Variants in ZFHX3 observed in about 807,000 individuals in gnomAD.
ZFHX3 encodes zinc finger homeobox protein 3.
ZFHX3 carries 42 observed loss-of-function variants against 279.1 expected under a neutral mutation model. The ratio of observed to expected loss-of-function variants is 0.15; its 90% CI spans 0.12 to 0.19. The LOEUF (loss-of-function observed/expected upper bound fraction) is 0.19. ZFHX3 is among the 10% of genes least tolerant of loss of function. The pLI, the probability that ZFHX3 is intolerant of heterozygous loss-of-function variation, is 1.00. For missense variants in ZFHX3, 4,981 were observed against 4,754.0 expected (o/e 1.05, Z -1.40); for synonymous variants, 2,293 against 1,957.8 (o/e 1.17, Z -4.52).
chr16:72,879,510 C>T (rs574862971), intron 4 of ZFHX3, among the ~76,000 whole-genome samples: 1 of 152,218 alleles, frequency 6.6e-6, no homozygotes, highest in Non-Finnish European at 1.5e-5. Context: ...ATTGCAACCT[C>T]TGCCTCCCAG....
chr16:73,701,815 A>G (rs1370915291), intron 1 of ZFHX3, among the ~76,000 whole-genome samples: 2 of 152,146 alleles, frequency 1.3e-5, no homozygotes, highest in Non-Finnish European at 2.9e-5. Flanking sequence ...TATAAGAGGT[A>G]ATTATTATTC....
intron 1 of ZFHX3, among the ~76,000 whole-genome samples, chr16:73,839,202 C>CA (rs1397132473): frequency 6.6e-6 from 1 of 151,070 alleles, no homozygotes. Context: ...ACTAAAAATG[C>CA]AAAAACAAAA....
At chr16:73,652,270 A>G (rs534334037) in intron 2 of ZFHX3, among the ~76,000 whole-genome samples, 1 of 152,314 alleles carries the variant, frequency 6.6e-6, no homozygotes, top group East Asian at 1.9e-4. Context: ...CAAGGAGAGA[A>G]CACTTTGGCT....
chr16:73,127,204 G>A (rs1406890992), intron 7 of ZFHX3: 3 of 542,622 alleles, frequency 5.5e-6, no homozygotes, highest in Non-Finnish European at 8.6e-6. Flanking sequence ...GCAAACCAGA[G>A]CAGTCGTGCG....
intron 4 of ZFHX3, among the ~76,000 whole-genome samples, chr16:72,876,558 C>G (rs1026971474): frequency 2.6e-5 from 4 of 151,844 alleles, no homozygotes; most frequent in African/African-American, 7.3e-5. Flanking sequence ...TTTATATTAC[C>G]TCCTCTTCTC....
chr16:72,861,497 T>C (rs1344933316), intron 4 of ZFHX3, among the ~76,000 whole-genome samples: 1 of 152,092 alleles, frequency 6.6e-6, no homozygotes, highest in Non-Finnish European at 1.5e-5. Flanking sequence ...ATTACACCAG[T>C]GAATCCTGAT....
Position 72,936,480 on chromosome 16 carries a change from T to G in ZFHX3, c.3216+13989A>C, listed in dbSNP as rs376863096. ...ATCTTGAGTGAAGTGATGGTGTAGC[T>G]CCTTGAGACTGGGTTGTCAGGGAAA... On this transcript the variant is annotated intron_variant, in intron 3 of 9. Transcript: ENST00000268489. Among the ~76,000 whole-genome samples the G allele has an allele frequency of 4.0e-4, 61 of 152,314 alleles. 2 individuals carry two copies. In the South Asian group the frequency reaches 0.012, roughly 31 times the overall value.
intron 3 of ZFHX3, among the ~76,000 whole-genome samples, chr16:73,365,580 G>A (rs959815080): frequency 1.2e-4 from 19 of 152,136 alleles, no homozygotes; most frequent in African/African-American, 4.6e-4. Context: ...GCTGAGACTT[G>A]GCTTGATGTC....
intron 2 of ZFHX3, among the ~76,000 whole-genome samples, chr16:73,600,003 G>A (rs2052094590): frequency 6.6e-6 from 1 of 152,208 alleles, no homozygotes; most frequent in African/African-American, 2.4e-5. Context: ...CACTTTTGGG[G>A]TAAGTTTGGG....
At chr16:73,308,734 T>C (rs1231075667) in intron 4 of ZFHX3, among the ~76,000 whole-genome samples, 1 of 152,096 alleles carries the variant, frequency 6.6e-6, no homozygotes, top group Non-Finnish European at 1.5e-5. Context: ...TTCAGAACCA[T>C]TTTTGAGAAG....
At position 73,788,183 on chromosome 16, in the gene ZFHX3, T is replaced by G. The variant is rs114161483; in HGVS notation, c.-1608+103468A>C. Among the ~76,000 whole-genome samples the G allele has an allele frequency of 1.6e-3, 238 of 152,292 alleles. 2 individuals are homozygous for G. The highest frequency in any genetic ancestry group is 5.2e-3 in the African/African-American group (217 of 41,548). On this transcript the variant is annotated intron_variant, in intron 1 of 17. Coordinates refer to the ZFHX3 transcript ENST00000641206. ...TTCAGTAGAGAAAGACAACCAATTC[T>G]GAGCCAGGTAGGGAAGAACCAGAGT...
intron 6 of ZFHX3, among the ~76,000 whole-genome samples, chr16:73,139,830 G>C (rs1001572462): frequency 6.6e-6 from 1 of 152,212 alleles, no homozygotes; most frequent in Non-Finnish European, 1.5e-5. Flanking sequence ...GAGGTAGGTA[G>C]GGAATATGAA....
intron 3 of ZFHX3, among the ~76,000 whole-genome samples, chr16:72,936,699 G>T (rs1328480530): frequency 6.6e-6 from 1 of 152,166 alleles, no homozygotes. Flanking sequence ...CAGCATGGTG[G>T]GAGGAGTTCA....
chr16:73,481,648 TTTTGTTTG>T (rs150415013), intron 2 of ZFHX3, among the ~76,000 whole-genome samples: 7 of 146,086 alleles, frequency 4.8e-5, no homozygotes, highest in Middle Eastern at 3.4e-3. Context: ...GTTTGTTTGT[TTTTGTTTG>T]TTTGTTTGTT....
chr16:73,818,280 T>C (rs1425543949), intron 1 of ZFHX3, among the ~76,000 whole-genome samples: 2 of 152,134 alleles, frequency 1.3e-5, no homozygotes, highest in Non-Finnish European at 2.9e-5. Context: ...TTAATATCTC[T>C]TGTAAGGGGG....
chr16:73,352,152 C>T lies in ZFHX3; in HGVS notation c.-1290-33816G>A, dbSNP rs965774838. 2.6e-5 allele frequency among the ~76,000 whole-genome samples: 4 copies of T among 152,268 alleles called. 1 individual carries two copies. Among genetic ancestry groups the T allele is most frequent in the African/African-American group, 9.6e-5 (4 of 41,534 alleles). Reference sequence around the variant, plus strand: ...CGCCATACTGGTACTATCTTTTATACACAGCCTTTTAGCTCATGCCTCTCA... The same window carrying T: ...CGCCATACTGGTACTATCTTTTATATACAGCCTTTTAGCTCATGCCTCTCA... On this transcript the variant is annotated intron_variant, in intron 3 of 17. Transcript: ENST00000641206.
At chr16:72,870,675 A>C (rs2038138263) in intron 4 of ZFHX3, among the ~76,000 whole-genome samples, 1 of 136,542 alleles carries the variant, frequency 7.3e-6, no homozygotes. Flanking sequence ...CCGAGATCGC[A>C]CCACTGCACT....
chr16:72,987,915 C>T (rs1359956141), intron 1 of ZFHX3, among the ~76,000 whole-genome samples: 2 of 152,160 alleles, frequency 1.3e-5, no homozygotes, highest in African/African-American at 4.8e-5. Flanking sequence ...AAGCTGGACG[C>T]CCTATTCATT....
At chr16:73,246,097 C>T (rs1017513566) in intron 5 of ZFHX3, among the ~76,000 whole-genome samples, 3 of 152,126 alleles carry the variant, frequency 2.0e-5, no homozygotes, top group Non-Finnish European at 4.4e-5. Flanking sequence ...GCCAAGGTTT[C>T]TTGGTTATGC....
Sources: allele counts gnomAD v4.1 joint callset (sites outside exome capture counted in the v4.1 genomes callset), GRCh38; gene constraint gnomAD v4.1.1; transcripts MANE v1.5; gene names NCBI Gene and HGNC (gene_info 2026-07-23, HGNC 2026-07-21).